The following CACNA1B variants were observed in gnomAD, a reference collection of about 807,000 sequenced individuals.
CACNA1B encodes voltage-dependent N-type calcium channel subunit alpha-1B.
A neutral mutation model predicts 247.2 loss-of-function variants in CACNA1B; 70 were observed. The observed-to-expected ratio is 0.28, with a 90% confidence interval of 0.23 to 0.35. The LOEUF is 0.35. Ranked by LOEUF, CACNA1B falls within the 10% of genes least tolerant of loss-of-function variation. The probability of loss-of-function intolerance (pLI) is 1.00; values close to 1 mark genes in which losing one functional copy is unlikely to be tolerated. For missense variants in CACNA1B, 2,367 were observed against 3,197.4 expected, an observed-to-expected ratio of 0.74 and a Z score of 6.26; for synonymous variants, 1,231 against 1,294.4, an observed-to-expected ratio of 0.95 and a Z score of 1.05.
chr9:138,020,211 G>A lies in CACNA1B; in HGVS notation c.2268-2800G>A, dbSNP rs770532782. ...CTGAGCCCAGAGACCTCAAAGCAGG[G>A]CCACAGAGCGCCTTGAGGCCACTTC... On this transcript the variant is annotated intron_variant, in intron 18 of 46. Transcript: ENST00000371372. The surrounding 1 kb of genome is among the most constrained non-coding windows in gnomAD (Gnocchi z 4.1). Among the ~76,000 whole-genome samples the A allele has an allele frequency of 2.6e-5, 4 of 151,962 alleles. No individual in the cohort carries two copies. The highest frequency in any genetic ancestry group is 9.7e-5 in the African/African-American group (4 of 41,336).
chr9:138,059,002 G>A lies in CACNA1B; in HGVS notation c.4474-77G>A. 1.1e-6 allele frequency: 1 copy of A among 877,146 alleles called. No homozygotes were observed. The highest frequency in any genetic ancestry group is 1.9e-6 in the Non-Finnish European group (1 of 530,054). The allele number at this position is 877,146 out of a possible 1,614,324, so 54.3% of individuals were successfully genotyped here. On this transcript the variant is annotated intron_variant, in intron 29 of 46. Transcript: ENST00000371372. This position sits in a 1 kb window ranked among gnomAD's most constrained non-coding sequence, Gnocchi z 4.2. Reference sequence around the variant, plus strand: ...GCATCGAGTTCTGTCTGCCCGCTTTGCTTGGTCATAGTGGTCCCAGATGGG... The same window carrying A: ...GCATCGAGTTCTGTCTGCCCGCTTTACTTGGTCATAGTGGTCCCAGATGGG...
Position 138,049,243 on chromosome 9 carries a change from C to G in CACNA1B, c.3638C>G (p.Ala1213Gly). ...IDLGLLLHPG[A>G]YFRDLWNILD... is the part of the protein sequence containing the mutation. ...TTGGGACTGCTGCTTCACCCTGGAG[C>G]CTATTTCCGGGACTTGTGGAACATT... The change falls in exon 24 of 47, where the codon GCC becomes GGC. Residue 1213 changes from alanine to glycine, a missense_variant. Physicochemically the swap from Ala to Gly is moderately conservative, Grantham distance 60. Around this residue, in one of 12 missense-constraint regions of CACNA1B, gnomAD observed 436 missense variants for 679.5 expected, o/e 0.64. Transcript: ENST00000371372. 1 of 1,613,322 alleles carries G rather than the reference C, an allele frequency of 6.2e-7. No individual in the cohort carries two copies. The highest frequency in any genetic ancestry group is 1.1e-5 in the South Asian group (1 of 91,072).
Position 138,023,701 on chromosome 9 carries a change from G to A in CACNA1B, c.2958G>A (p.Gln986=). Residue 986 remains glutamine, a synonymous_variant, in exon 19 of 47, where the codon CAG becomes CAA. Transcript: ENST00000371372. ...GGCACCGGGCCCGGCACAAGGCGCA[G>A]CCTGCTCACGAGGCTGTGGAGAAGG... is the stretch of plus-strand genomic sequence containing the variant. ...ARRHRARHKA[Q]PAHEAVEKET... The A allele has an allele frequency of 6.5e-7, 1 of 1,540,154 alleles. No individual in the cohort carries two copies. The highest frequency in any genetic ancestry group is 8.8e-7 in the Non-Finnish European group (1 of 1,142,642).
At chr9:138,089,189 A>G (rs979766086) in intron 36 of CACNA1B, among the ~76,000 whole-genome samples, 1 of 152,064 alleles carries the variant, frequency 6.6e-6, no homozygotes, top group East Asian at 1.9e-4. Flanking sequence ...AACAAAAACA[A>G]AAAACACTAG....
rs575433289 is a variant in CACNA1B, at chr9:137,974,088, A to T, written c.1544-1819A>T. Among the ~76,000 whole-genome samples the T allele has an allele frequency of 1.3e-5, 2 of 152,254 alleles. No homozygotes were observed. Among genetic ancestry groups the T allele is most frequent in the East Asian group, 3.9e-4 (2 of 5,156 alleles). ...AGAGGGGCTCTGGGACTTTGTGGCC[A>T]GGCGTGTTGGGCCTTTCCAAGCTGC... is the stretch of plus-strand genomic sequence containing the variant. On this transcript the variant is annotated intron_variant, in intron 11 of 46. Coordinates refer to ENST00000371372, the MANE Select transcript of CACNA1B (RefSeq NM_000718.4). The surrounding 1 kb of genome is among the most constrained non-coding windows in gnomAD (Gnocchi z 4.5).
At chr9:138,117,851 T>C (rs1961925537) in intron 42 of CACNA1B, 95 bp from the exon 43 acceptor site, 1 of 933,366 alleles carries the variant, frequency 1.1e-6, no homozygotes, top group Non-Finnish European at 1.6e-6. Flanking sequence ...CTGCTGCATG[T>C]GTTGGAGACG....
chr9:138,093,091 G>T (rs1021536072), intron 36 of CACNA1B, among the ~76,000 whole-genome samples: 1 of 152,084 alleles, frequency 6.6e-6, no homozygotes, highest in African/African-American at 2.4e-5. Context: ...ACACCCAGTA[G>T]AATTGGTATT....
rs1048101923 is a variant in CACNA1B at position 137,950,493 on chromosome 9, T to A, written c.967-1781T>A. Among the ~76,000 whole-genome samples, 1 of 152,202 alleles carries A rather than the reference T, an allele frequency of 6.6e-6. No individual in the cohort carries two copies. The highest frequency in any genetic ancestry group is 2.4e-5 in the African/African-American group (1 of 41,452). On this transcript the variant is annotated intron_variant, in intron 6 of 46. Transcript: ENST00000371372. This position sits in a 1 kb window ranked among gnomAD's most constrained non-coding sequence, Gnocchi z 4.8. ...ACGTTCCACTTCCTACTTGGCTTTCTCTGACAGCACCCCATGGAGGGTGAG... is the reference window on the plus strand; with the variant it reads ...ACGTTCCACTTCCTACTTGGCTTTCACTGACAGCACCCCATGGAGGGTGAG...
chr9:138,120,961 T>TC (rs1186911361), intron 46 of CACNA1B, 80 bp downstream of exon 46: 5 of 1,451,048 alleles, frequency 3.4e-6, no homozygotes, highest in Non-Finnish European at 3.7e-6. Flanking sequence ...CTCCTGCCTC[T>TC]CCCCAGGGCC....
intron 40 of CACNA1B, 33 bp downstream of exon 40, chr9:138,112,538 C>T (rs374373281): frequency 1.0e-5 from 14 of 1,381,378 alleles, no homozygotes; most frequent in Non-Finnish European, 1.4e-5. Context: ...CCCCCAGCCC[C>T]CACCTTTACT....
intron 6 of CACNA1B, among the ~76,000 whole-genome samples, chr9:137,928,474 G>T (rs1259144645): frequency 1.3e-5 from 2 of 152,288 alleles, no homozygotes; most frequent in East Asian, 3.9e-4. Context: ...AATAAATCAG[G>T]AAGTATTTAT....
chr9:138,109,630 C>T (rs1461166946), intron 39 of CACNA1B, among the ~76,000 whole-genome samples: 4 of 152,222 alleles, frequency 2.6e-5, no homozygotes. Flanking sequence ...TCACCAAATA[C>T]AGTCACATCT....
intron 6 of CACNA1B, among the ~76,000 whole-genome samples, chr9:137,946,972 C>T (rs1288390140): frequency 6.6e-6 from 1 of 152,144 alleles, no homozygotes; most frequent in African/African-American, 2.4e-5. Flanking sequence ...AAGAATGAAG[C>T]AGTGAAAGCA....
chr9:137,929,656 C>T (rs563230360), intron 6 of CACNA1B, among the ~76,000 whole-genome samples: 1 of 152,158 alleles, frequency 6.6e-6, no homozygotes, highest in African/African-American at 2.4e-5. Flanking sequence ...TCTAAAGTGA[C>T]TTATTTTTAT....
rs1667485785 is a variant in CACNA1B at position 137,986,235 on chromosome 9, C to A, written c.1770-178C>A. On this transcript the variant is annotated intron_variant, in intron 13 of 46. Transcript: ENST00000371372. This position sits in a 1 kb window ranked among gnomAD's most constrained non-coding sequence, Gnocchi z 6.0. ...TTTCTCTGCCTTCCCATGGGGCCCT[C>A]AGGGAGAGAAGTCCAGGGTAGTGGG... Among the ~76,000 whole-genome samples the A allele has an allele frequency of 6.6e-6, 1 of 152,190 alleles. No homozygotes were observed. The highest frequency in any genetic ancestry group is 1.5e-5 in the Non-Finnish European group (1 of 68,026).
rs145855811 is a variant in CACNA1B, at chr9:137,967,576, C to T, written c.1334-3807C>T. ...CTGTCCTGTCACTCGGCTGCTCTCC[C>T]CTGAAATGAATGGGGGTGTTGGTGG... On this transcript the variant is annotated intron_variant, in intron 10 of 46. Coordinates refer to ENST00000371372, the MANE Select transcript of CACNA1B (RefSeq NM_000718.4). 4.0e-3 allele frequency among the ~76,000 whole-genome samples: 615 copies of T among 152,330 alleles called. 7 individuals carry two copies. The highest frequency in any genetic ancestry group is 0.014 in the African/African-American group (587 of 41,570).
intron 43 of CACNA1B, among the ~76,000 whole-genome samples, chr9:138,118,359 GTGTGAGACTGGGGTGGGGAACA>G (rs1961950222): frequency 2.4e-5 from 2 of 84,660 alleles, no homozygotes; most frequent in African/African-American, 5.0e-5. Flanking sequence ...GGTGGGGGAC[GTGTGAGACTGGGGTGGGGAACA>G]TGTGAGACTA....
chr9:138,108,146 G>A (rs144218633), intron 39 of CACNA1B, among the ~76,000 whole-genome samples: 189 of 151,522 alleles, frequency 1.2e-3, no homozygotes, highest in Middle Eastern at 3.4e-3. Context: ...AGACCAGTCC[G>A]GGCAACACAG....
rs1173964720 is a variant in CACNA1B, at chr9:138,090,701, CAAAAAAAAAAAAA to C, written c.5095-5762_5095-5750del. On this transcript the variant is annotated intron_variant, in intron 36 of 46. Coordinates refer to ENST00000371372, the MANE Select transcript of CACNA1B (RefSeq NM_000718.4). ...TACAAGGTGAAACTCAACCCATCAGCAAAAAAAAAAAAAAAAAAAAAAAAAAAAAAAAATCAGA... is the reference window on the plus strand; with the variant it reads ...TACAAGGTGAAACTCAACCCATCAGCAAAAAAAAAAAAAAAAAAAATCAGA... Among the ~76,000 whole-genome samples the C allele has an allele frequency of 2.0e-3, 33 of 16,602 alleles. 1 individual carries two copies. In the East Asian group the frequency reaches 0.11, roughly 54 times the overall value. The allele number at this position is 16,602 out of a possible 152,430, so 10.9% of individuals were successfully genotyped here.
Sources: allele counts gnomAD v4.1 joint callset (sites outside exome capture counted in the v4.1 genomes callset), GRCh38; gene constraint gnomAD v4.1.1; regional missense constraint gnomAD v4.1.1; non-coding constraint Gnocchi (gnomAD v3.1); transcripts MANE v1.5; gene names NCBI Gene and HGNC (gene_info 2026-07-23, HGNC 2026-07-21).